Variants in FAM227B observed in about 807,000 individuals in gnomAD.
FAM227B encodes the protein protein FAM227B.
Under a neutral mutation model 73.8 loss-of-function variants are expected in FAM227B, and 88 were observed. That is an observed-to-expected ratio of 1.19 (90% CI 1.00 to 1.42). The LOEUF is 1.42. FAM227B is among the 40% of genes most tolerant of loss of function. FAM227B has a pLI of 0.00. For synonymous variants in FAM227B, 210 were observed against 190.5 expected (o/e 1.10, Z -0.84); for missense variants, 632 against 590.9 (o/e 1.07, Z -0.72).
chr15:49,409,387 C>A (rs2048727818), intron 11 of FAM227B, among the ~76,000 whole-genome samples: 1 of 151,994 alleles, frequency 6.6e-6, no homozygotes, highest in Non-Finnish European at 1.5e-5. Flanking sequence ...CAATTTATTT[C>A]AAACTTTATT....
chr15:49,343,857 A>G (rs1320523833), intron 13 of FAM227B: 4 of 152,180 alleles, frequency 2.6e-5, no homozygotes, highest in South Asian at 4.1e-4. Flanking sequence ...AATCTCCTAC[A>G]TGATATTGCT....
intron 11 of FAM227B, among the ~76,000 whole-genome samples, chr15:49,498,749 T>C (rs917699611): frequency 1.3e-5 from 2 of 152,084 alleles, no homozygotes; most frequent in Non-Finnish European, 2.9e-5. Context: ...ATGACACCCA[T>C]AGACTCAAAA....
chr15:49,389,891 T>C (rs1353850221), intron 11 of FAM227B, among the ~76,000 whole-genome samples: 1 of 152,046 alleles, frequency 6.6e-6, no homozygotes, highest in Non-Finnish European at 1.5e-5. Context: ...CTTGTCTTTA[T>C]GCCCTTGGTC....
chr15:49,466,543 AC>A (rs1391758696), intron 11 of FAM227B, among the ~76,000 whole-genome samples: 1 of 152,152 alleles, frequency 6.6e-6, no homozygotes, highest in Non-Finnish European at 1.5e-5. Flanking sequence ...AGAGTATACC[AC>A]TGAAACTTTT....
rs766903438 is a variant in FAM227B, at chr15:49,575,085, T to A, written c.571A>T (p.Thr191Ser). The A allele has an allele frequency of 6.3e-7, 1 of 1,598,332 alleles. No homozygotes were observed. Among genetic ancestry groups the A allele is most frequent in the Non-Finnish European group, 8.5e-7 (1 of 1,172,014 alleles). ...FDERVFKIWK[T>S]HFLSEASIAL... ...ATGGAGGCTTCTGAGAGAAAATGAG[T>A]CTTCCAGATTTTAAAAACTCTTTCC... Residue 191 changes from threonine to serine, a missense_variant, in exon 8 of 16, where the codon ACT becomes TCT. Physicochemically the swap from Thr to Ser is moderately conservative, Grantham distance 58. Coordinates refer to ENST00000299338, the MANE Select transcript of FAM227B (RefSeq NM_152647.3).
At chr15:49,433,600 C>A (rs188954064) in intron 11 of FAM227B, among the ~76,000 whole-genome samples, 22 of 151,618 alleles carry the variant, frequency 1.5e-4, no homozygotes, top group Non-Finnish European at 2.2e-4. Flanking sequence ...AAAAAATGGC[C>A]TCCAGAACCA....
chr15:49,605,478 G>A (rs2077456586), intron 3 of FAM227B, among the ~76,000 whole-genome samples: 1 of 152,218 alleles, frequency 6.6e-6, no homozygotes, highest in African/African-American at 2.4e-5. Flanking sequence ...ACTGAAGCCT[G>A]GGTCCACAGG....
chr15:49,576,673 G>T, intron 7 of FAM227B, 68 bp downstream of exon 7: 1 of 905,198 alleles, frequency 1.1e-6, no homozygotes, highest in Non-Finnish European at 1.7e-6. Context: ...ATAGCTTTAA[G>T]TAAAGGTCTG....
In FAM227B at chr15:49,328,085, A is replaced by G; in HGVS notation, c.*483T>C. The G allele has an allele frequency of 6.2e-7, 1 of 1,614,112 alleles. No homozygotes were observed. The highest frequency in any genetic ancestry group is 8.5e-7 in the Non-Finnish European group (1 of 1,179,996). The stretch of plus-strand genomic sequence containing the variant: ...AGCTTATTACCAGAGGAGTGATGGA[A>G]GCTTAGCACCGGAGAAGCAAAGTTT... On this transcript the variant is annotated 3_prime_UTR_variant, in exon 16 of 16. Coordinates refer to ENST00000299338, the MANE Select transcript of FAM227B (RefSeq NM_152647.3).
At chr15:49,608,859 GAAAT>G (rs1413525498) in intron 3 of FAM227B, among the ~76,000 whole-genome samples, 1 of 151,664 alleles carries the variant, frequency 6.6e-6, no homozygotes, top group Non-Finnish European at 1.5e-5. Context: ...AAGGTAATAA[GAAAT>G]AAATAACATG....
At chr15:49,607,397 G>A (rs2077589399) in intron 3 of FAM227B, among the ~76,000 whole-genome samples, 1 of 152,142 alleles carries the variant, frequency 6.6e-6, no homozygotes, top group Non-Finnish European at 1.5e-5. Flanking sequence ...AAAAGATTTT[G>A]AAGAATAAGA....
chr15:49,482,164 A>G (rs544964864), intron 11 of FAM227B, among the ~76,000 whole-genome samples: 11 of 152,244 alleles, frequency 7.2e-5, no homozygotes, highest in Admixed American at 7.2e-4. Context: ...TCATGTAGAA[A>G]ATGTAATTAA....
At chr15:49,373,071 C>G (rs1196121983) in intron 11 of FAM227B, among the ~76,000 whole-genome samples, 1 of 151,748 alleles carries the variant, frequency 6.6e-6, no homozygotes, top group African/African-American at 2.4e-5. Context: ...TTCTTAAATA[C>G]ACATATAATA....
At chr15:49,407,894 T>A (rs1383012655) in intron 11 of FAM227B, among the ~76,000 whole-genome samples, 3 of 151,992 alleles carry the variant, frequency 2.0e-5, no homozygotes, top group Non-Finnish European at 4.4e-5. Flanking sequence ...TTTCTGTACC[T>A]ATAGTTTTTG....
chr15:49,532,950 G>A (rs1456142019), intron 10 of FAM227B, among the ~76,000 whole-genome samples: 1 of 151,782 alleles, frequency 6.6e-6, no homozygotes, highest in Non-Finnish European at 1.5e-5. Context: ...CTTAAGAAAG[G>A]CTCGTGTGAC....
intron 10 of FAM227B, among the ~76,000 whole-genome samples, chr15:49,520,406 A>G (rs1329480273): frequency 6.6e-6 from 1 of 152,098 alleles, no homozygotes; most frequent in African/African-American, 2.4e-5. Context: ...TCCTGTTCCA[A>G]AGTTGCTTCC....
At chr15:49,542,092 AT>A (rs886725178) in intron 9 of FAM227B, among the ~76,000 whole-genome samples, 21 of 152,108 alleles carry the variant, frequency 1.4e-4, no homozygotes, top group African/African-American at 5.1e-4. Flanking sequence ...ATGATTTTAA[AT>A]TTTAGTTTTT....
At position 49,327,452 on chromosome 15, in the gene FAM227B, G is replaced by GAAAC. The variant is rs2037711443; in HGVS notation, c.*1112_*1115dup. The GAAAC allele has an allele frequency of 6.6e-6, 1 of 152,424 alleles. No individual in the cohort carries two copies. The highest frequency in any genetic ancestry group is 2.1e-4 in the South Asian group (1 of 4,840). 9.4% of individuals were successfully genotyped at this position (152,424 alleles called of 1,614,324 possible). ...TGTTCTAGGGGACTGATTCTTCTTT[G>GAAAC]AAACAGCCCGGCCTTAAGAATGCAG... is the stretch of plus-strand genomic sequence containing the variant. On this transcript the variant is annotated 3_prime_UTR_variant, in exon 16 of 16. Coordinates refer to ENST00000299338, the MANE Select transcript of FAM227B (RefSeq NM_152647.3).
intron 11 of FAM227B, among the ~76,000 whole-genome samples, chr15:49,444,802 T>C (rs561096684): frequency 6.6e-6 from 1 of 151,832 alleles, no homozygotes; most frequent in Admixed American, 6.6e-5. Context: ...ATTTAAGCCA[T>C]CTTGAATCAA....
Sources: allele counts gnomAD v4.1 joint callset (sites outside exome capture counted in the v4.1 genomes callset), GRCh38; gene constraint gnomAD v4.1.1; transcripts MANE v1.5; gene names NCBI Gene and HGNC (gene_info 2026-07-23, HGNC 2026-07-21).